ENTHD1: variants seen among roughly 807,000 people sequenced by gnomAD.
ENTHD1 encodes the protein ENTH domain containing 1.
ENTHD1 carries 23 observed loss-of-function variants against 39.1 expected under a neutral mutation model. The observed-to-expected ratio is 0.59, with a 90% CI of 0.42 to 0.83. The LOEUF (loss-of-function observed/expected upper bound fraction) is 0.83, where lower values mean the gene tolerates loss of function less well. Among genes scored for constraint, ENTHD1 ranks in the 40% least tolerant of loss-of-function variants. The pLI, the probability that ENTHD1 is intolerant of heterozygous loss-of-function variation, is 0.00. For missense variants in ENTHD1, 624 were observed against 705.4 expected, an observed-to-expected ratio of 0.88 and a Z score of 1.31; for synonymous variants, 230 against 258.2, an observed-to-expected ratio of 0.89 and a Z score of 1.05.
chr22:39,779,023 A>G (rs1425156111), intron 5 of ENTHD1, among the ~76,000 whole-genome samples: 1 of 152,176 alleles, frequency 6.6e-6, no homozygotes, highest in East Asian at 1.9e-4. Context: ...AAGGTATAAG[A>G]GATTATAAAA....
intron 6 of ENTHD1, among the ~76,000 whole-genome samples, chr22:39,753,830 T>G (rs766840052): frequency 6.6e-6 from 1 of 152,188 alleles, no homozygotes; most frequent in Non-Finnish European, 1.5e-5. Flanking sequence ...TTTCCAAAAT[T>G]ACTTTTCTTC....
chr22:39,856,271 T>C (rs1034803543), intron 3 of ENTHD1, among the ~76,000 whole-genome samples: 2 of 116,966 alleles, frequency 1.7e-5, no homozygotes, highest in African/African-American at 3.3e-5. Flanking sequence ...TGAAACTTCA[T>C]CTCAAAAAAA....
chr22:39,796,182 G>T (rs1237689881), intron 5 of ENTHD1, among the ~76,000 whole-genome samples: 1 of 151,918 alleles, frequency 6.6e-6, no homozygotes, highest in Non-Finnish European at 1.5e-5. Context: ...TATTGATATA[G>T]GTGTTTACTG....
chr22:39,754,490 C>G (rs192659911), intron 6 of ENTHD1, among the ~76,000 whole-genome samples: 19 of 152,200 alleles, frequency 1.2e-4, no homozygotes, highest in Non-Finnish European at 2.9e-5. Flanking sequence ...TCAGGCTTGG[C>G]AGGTGACCTC....
intron 2 of ENTHD1, among the ~76,000 whole-genome samples, chr22:39,886,534 A>G (rs1003867517): frequency 5.3e-5 from 8 of 152,156 alleles, no homozygotes; most frequent in Non-Finnish European, 1.0e-4. Context: ...TTTCTGCATA[A>G]TTTTCCTGTA....
Position 39,765,336 on chromosome 22 carries a change from GGA to G in ENTHD1, c.1104_1105del (p.Pro369LeufsTer6), listed in dbSNP as rs200712517. ...CACTCGGTCAAATATTTTGAATGAG[GGA>G]GAGAGACAGAGTGTTTCTACAGAGG... is the stretch of plus-strand genomic sequence containing the variant. On this transcript the variant is annotated frameshift_variant, in exon 6 of 7. Coordinates refer to ENST00000325157, the MANE Select transcript of ENTHD1 (RefSeq NM_152512.4). LOFTEE classifies it high-confidence loss of function. The G allele has an allele frequency of 6.9e-3, 11,111 of 1,613,872 alleles. 51 individuals are homozygous for G. The highest frequency in any genetic ancestry group is 8.4e-3 in the Non-Finnish European group (9,910 of 1,179,934).
chr22:39,812,184 TG>T (rs150510518), intron 5 of ENTHD1, among the ~76,000 whole-genome samples: 5 of 152,090 alleles, frequency 3.3e-5, no homozygotes, highest in East Asian at 3.9e-4. Flanking sequence ...AAAAGGAGTA[TG>T]TATAGGATTG....
At chr22:39,827,077 GCGATCT>G (rs1162406559) in intron 4 of ENTHD1, among the ~76,000 whole-genome samples, 1 of 150,004 alleles carries the variant, frequency 6.7e-6, no homozygotes, top group Non-Finnish European at 1.5e-5. Context: ...GTGCAGTGGC[GCGATCT>G]CGGCTCACTG....
chr22:39,765,139 G>A (rs918010929), intron 6 of ENTHD1, 84 bp downstream of exon 6: 1 of 1,442,442 alleles, frequency 6.9e-7, no homozygotes. Context: ...ACAGAAAGCA[G>A]AGAAAAGTAA....
chr22:39,745,285 G>A (rs375221086), intron 6 of ENTHD1, among the ~76,000 whole-genome samples: 31 of 152,046 alleles, frequency 2.0e-4, no homozygotes, highest in East Asian at 1.5e-3. Context: ...TCTTTGCAAC[G>A]AACTCTGAAC....
In ENTHD1 at chr22:39,765,413, G is replaced by A. The variant is rs779835830; in HGVS notation, c.1029C>T (p.Ile343=). 2.5e-6 allele frequency: 4 copies of A among 1,613,976 alleles called. No individual in the cohort carries two copies. Among genetic ancestry groups the A allele is most frequent in the Non-Finnish European group, 3.4e-6 (4 of 1,179,972 alleles). Residue 343 remains isoleucine, a synonymous_variant, in exon 6 of 7, where the codon ATC becomes ATT. Transcript: ENST00000325157. Reference sequence around the variant, plus strand: ...ACTTTGATACCCTTAAGTCGGGGCTGATAAACTCCTCTTTACTTGACCAAC... The same window carrying A: ...ACTTTGATACCCTTAAGTCGGGGCTAATAAACTCCTCTTTACTTGACCAAC... ...PACWSSKEEF[I]SPDLRVSKSD...
intron 3 of ENTHD1, among the ~76,000 whole-genome samples, chr22:39,844,911 C>T (rs742209): frequency 1.3e-5 from 2 of 152,020 alleles, no homozygotes; most frequent in South Asian, 4.2e-4. Flanking sequence ...GGCGAAGGAT[C>T]TAAAGCTTGA....
intron 2 of ENTHD1, among the ~76,000 whole-genome samples, chr22:39,866,621 G>A (rs1323451751): frequency 6.6e-6 from 1 of 152,154 alleles, no homozygotes; most frequent in Non-Finnish European, 1.5e-5. Flanking sequence ...CTTCAGGAAA[G>A]CCTTCCACGG....
chr22:39,831,162 A>T (rs970307273), intron 4 of ENTHD1, among the ~76,000 whole-genome samples: 5 of 152,234 alleles, frequency 3.3e-5, no homozygotes, highest in African/African-American at 1.2e-4. Context: ...AAGCTGAAAT[A>T]ACCTGTCATC....
chr22:39,808,174 G>A (rs2065658790), intron 5 of ENTHD1, among the ~76,000 whole-genome samples: 3 of 151,938 alleles, frequency 2.0e-5, no homozygotes, highest in Admixed American at 1.3e-4. Context: ...CAACATGAGT[G>A]TTGGCTACTG....
intron 3 of ENTHD1, among the ~76,000 whole-genome samples, chr22:39,857,938 G>A (rs1438499110): frequency 6.6e-6 from 1 of 152,160 alleles, no homozygotes; most frequent in Non-Finnish European, 1.5e-5. Context: ...CATGTTGAGG[G>A]CTGCTGATAG....
intron 2 of ENTHD1, among the ~76,000 whole-genome samples, chr22:39,874,905 T>C (rs747200921): frequency 2.6e-5 from 4 of 152,234 alleles, no homozygotes; most frequent in Non-Finnish European, 5.9e-5. Context: ...TTCTCATATA[T>C]TGGTAGTGAA....
intron 5 of ENTHD1, among the ~76,000 whole-genome samples, chr22:39,812,620 A>G (rs1176495083): frequency 6.6e-6 from 1 of 152,192 alleles, no homozygotes; most frequent in African/African-American, 2.4e-5. Context: ...GATGACCTCA[A>G]CAGGCAGGGG....
chr22:39,753,907 T>C (rs2065165297), intron 6 of ENTHD1, among the ~76,000 whole-genome samples: 1 of 152,216 alleles, frequency 6.6e-6, no homozygotes, highest in Non-Finnish European at 1.5e-5. Context: ...AGAGAACAGA[T>C]GCAACGAAAA....
Sources: allele counts gnomAD v4.1 joint callset (sites outside exome capture counted in the v4.1 genomes callset), GRCh38; gene constraint gnomAD v4.1.1; transcripts MANE v1.5; gene names NCBI Gene and HGNC (gene_info 2026-07-23, HGNC 2026-07-21).